Variants in RALGAPA2 observed in about 807,000 individuals in gnomAD.
RALGAPA2 encodes Ral GTPase activating protein catalytic subunit alpha 2.
A neutral mutation model predicts 230.4 loss-of-function variants in RALGAPA2; 139 were observed. That is an observed-to-expected ratio of 0.60 (90% CI 0.53 to 0.69). The LOEUF is 0.69. RALGAPA2 is among the 30% of genes least tolerant of loss of function. The pLI is 0.00. For synonymous variants in RALGAPA2, 847 were observed against 837.8 expected (o/e 1.01, Z -0.19); for missense variants, 2,163 against 2,276.0 (o/e 0.95, Z 1.01).
intron 3 of RALGAPA2, among the ~76,000 whole-genome samples, chr20:20,673,321 G>C (rs1028865942): frequency 4.0e-5 from 6 of 151,884 alleles, no homozygotes; most frequent in African/African-American, 1.4e-4. Flanking sequence ...ATGGCAACTA[G>C]AAGATAGTAA....
At chr20:20,673,011 C>G (rs962762729) in intron 3 of RALGAPA2, among the ~76,000 whole-genome samples, 1 of 151,610 alleles carries the variant, frequency 6.6e-6, no homozygotes, top group Non-Finnish European at 1.5e-5. Context: ...GGTGAAAACC[C>G]GTCTCTACTA....
intron 37 of RALGAPA2, among the ~76,000 whole-genome samples, chr20:20,443,106 G>C (rs1038461388): frequency 6.6e-6 from 1 of 152,204 alleles, no homozygotes; most frequent in African/African-American, 2.4e-5. Context: ...ATAGATTAAA[G>C]AAAGGCATTA....
intron 1 of RALGAPA2, among the ~76,000 whole-genome samples, chr20:20,681,606 C>T (rs2068524200): frequency 1.3e-5 from 2 of 152,200 alleles, no homozygotes; most frequent in South Asian, 4.1e-4. Flanking sequence ...ACATTTTCCT[C>T]AGTAAACAAG....
chr20:20,705,125 G>A (rs781581171), intron 1 of RALGAPA2, among the ~76,000 whole-genome samples: 23 of 152,184 alleles, frequency 1.5e-4, no homozygotes, highest in Middle Eastern at 3.2e-3. Context: ...TAAATCCTGG[G>A]CTTGTGCCTT....
intron 37 of RALGAPA2, 139 bp from the exon 38 acceptor site, chr20:20,412,287 TTAAG>T (rs576385486): frequency 6.9e-5 from 83 of 1,209,734 alleles, no homozygotes; most frequent in South Asian, 3.1e-4. Context: ...TTGCAGAAAA[TTAAG>T]TATTAGTCAT....
At chr20:20,412,292 T>A in intron 37 of RALGAPA2, 144 bp from the exon 38 acceptor site, 1 of 1,171,340 alleles carries the variant, frequency 8.5e-7, no homozygotes, top group Non-Finnish European at 1.2e-6. Flanking sequence ...GAAAATTAAG[T>A]ATTAGTCATA....
intron 3 of RALGAPA2, among the ~76,000 whole-genome samples, chr20:20,674,880 C>T (rs1294054126): frequency 1.3e-5 from 2 of 152,130 alleles, no homozygotes; most frequent in Non-Finnish European, 2.9e-5. Context: ...GAGTTACTGT[C>T]ACAGAGGTGA....
chr20:20,585,142 T>C (rs1197169118), intron 18 of RALGAPA2, among the ~76,000 whole-genome samples, 187 bp from the exon 19 acceptor site: 1 of 152,242 alleles, frequency 6.6e-6, no homozygotes, highest in Non-Finnish European at 1.5e-5. Context: ...ACTCAAGATC[T>C]GAAACTTTAA....
intron 13 of RALGAPA2, among the ~76,000 whole-genome samples, chr20:20,614,731 C>A (rs16982038): frequency 6.6e-6 from 1 of 152,208 alleles, no homozygotes; most frequent in Non-Finnish European, 1.5e-5. Context: ...AAGAATTGGA[C>A]TTGGTGGCCT....
intron 37 of RALGAPA2, among the ~76,000 whole-genome samples, chr20:20,416,321 C>G (rs1467562386): frequency 6.6e-6 from 1 of 152,068 alleles, no homozygotes; most frequent in African/African-American, 2.4e-5. Context: ...GCAAGCAAAC[C>G]CCCTTTAGGC....
chr20:20,451,871 G>A (rs1569412376), intron 37 of RALGAPA2, among the ~76,000 whole-genome samples: 1 of 152,160 alleles, frequency 6.6e-6, no homozygotes, highest in Non-Finnish European at 1.5e-5. Context: ...TACTAGAAGA[G>A]ACTATGCAAA....
chr20:20,489,837 A>C (rs1046506547), intron 36 of RALGAPA2, among the ~76,000 whole-genome samples: 1 of 152,186 alleles, frequency 6.6e-6, no homozygotes, highest in Non-Finnish European at 1.5e-5. Flanking sequence ...GGCCCTTCCT[A>C]CTGAGTAGCT....
chr20:20,420,731 G>A (rs1453024918), intron 37 of RALGAPA2, among the ~76,000 whole-genome samples: 1 of 152,188 alleles, frequency 6.6e-6, no homozygotes, highest in Non-Finnish European at 1.5e-5. Context: ...ATAAAAATGA[G>A]ATGAGTTAAC....
chr20:20,683,325 A>C (rs955196157), intron 1 of RALGAPA2, among the ~76,000 whole-genome samples: 3 of 152,112 alleles, frequency 2.0e-5, no homozygotes, highest in Non-Finnish European at 2.9e-5. Flanking sequence ...CGAATATTTA[A>C]TAGAGTCAGT....
chr20:20,394,724 G>A (rs2122600029), intron 39 of RALGAPA2, among the ~76,000 whole-genome samples: 1 of 152,122 alleles, frequency 6.6e-6, no homozygotes, highest in Non-Finnish European at 1.5e-5. Context: ...CACAAGAGAA[G>A]CTAGATTGTT....
At position 20,661,713 on chromosome 20, in the gene RALGAPA2, A is replaced by G. The variant is rs1200546993; in HGVS notation, c.271-8126T>C. 3.9e-5 allele frequency among the ~76,000 whole-genome samples: 6 copies of G among 152,296 alleles called. No individual in the cohort carries two copies. In the East Asian group the frequency reaches 1.2e-3, roughly 29 times the overall value. ...AAAGTAGTAAGTATAAGCAGGTTAA[A>G]TTCCCCTACCGAAGACCAAGTCCAT... On this transcript the variant is annotated intron_variant, in intron 3 of 39. Coordinates refer to ENST00000202677, the MANE Select transcript of RALGAPA2 (RefSeq NM_020343.4).
chr20:20,414,428 G>A (rs1384593810), intron 37 of RALGAPA2, among the ~76,000 whole-genome samples: 1 of 152,142 alleles, frequency 6.6e-6, no homozygotes, highest in South Asian at 2.1e-4. Flanking sequence ...ACTACTCTGC[G>A]GAAGCCACGT....
chr20:20,601,118 A>C (rs990662151), intron 16 of RALGAPA2, among the ~76,000 whole-genome samples: 3 of 152,164 alleles, frequency 2.0e-5, no homozygotes, highest in African/African-American at 7.2e-5. Flanking sequence ...AGAAAAGAGA[A>C]GAGAAGAAAA....
intron 36 of RALGAPA2, among the ~76,000 whole-genome samples, chr20:20,493,908 G>C (rs894793584): frequency 3.3e-5 from 5 of 152,170 alleles, no homozygotes; most frequent in Admixed American, 3.3e-4. Flanking sequence ...ATAGAAAAGA[G>C]GGTTCCCTTT....
Sources: allele counts gnomAD v4.1 joint callset (sites outside exome capture counted in the v4.1 genomes callset), GRCh38; gene constraint gnomAD v4.1.1; transcripts MANE v1.5; gene names NCBI Gene and HGNC (gene_info 2026-07-23, HGNC 2026-07-21).